Variants in ERN1 observed in about 807,000 individuals in gnomAD.
ERN1 encodes serine/threonine-protein kinase/endoribonuclease IRE1.
ERN1 carries 39 observed loss-of-function variants against 113.1 expected under a neutral mutation model. That is an observed-to-expected ratio of 0.34 (90% CI 0.27 to 0.45). The LOEUF is 0.45. Among genes scored for constraint, ERN1 ranks in the 20% least tolerant of loss-of-function variants. ERN1 has a pLI of 1.00. For missense variants in ERN1, 976 were observed against 1,274.8 expected (o/e 0.77, Z 3.57); for synonymous variants, 507 against 515.9 (o/e 0.98, Z 0.23).
At chr17:64,047,310 C>A (rs1912542789) in intron 19 of ERN1, among the ~76,000 whole-genome samples, 1 of 152,138 alleles carries the variant, frequency 6.6e-6, no homozygotes, top group Non-Finnish European at 1.5e-5. Flanking sequence ...TGCAGTGAGC[C>A]AAGATTGCAC....
Position 64,054,310 on chromosome 17 carries a change from C to G in ERN1, c.1893G>C (p.Thr631=), listed in dbSNP as rs775864806. Residue 631 remains threonine, a synonymous_variant, in exon 15 of 22, where the codon ACG becomes ACC. Transcript: ENST00000433197. The surrounding 1 kb of genome is among the most constrained non-coding windows in gnomAD (Gnocchi z 4.9). ...TGTACTGGAATTGCCGGTCCTTCTC[C>G]GTGCAGAAGTAGCGGATCACGTTCG... ...EHPNVIRYFC[T]EKDRQFQYIA... 2 of 1,613,758 alleles carry G rather than the reference C, an allele frequency of 1.2e-6. No individual in the cohort carries two copies. Among genetic ancestry groups the G allele is most frequent in the Non-Finnish European group, 1.7e-6 (2 of 1,179,870 alleles).
At chr17:64,091,484 G>C (rs546185527) in intron 2 of ERN1, among the ~76,000 whole-genome samples, 1 of 152,286 alleles carries the variant, frequency 6.6e-6, no homozygotes, top group East Asian at 1.9e-4. Context: ...AATCCACTAG[G>C]AAGCAAATGA....
At chr17:64,059,184 G>GT (rs773141919) in intron 11 of ERN1, among the ~76,000 whole-genome samples, 1 of 152,186 alleles carries the variant, frequency 6.6e-6, no homozygotes, top group Non-Finnish European at 1.5e-5. Context: ...TAAGATTGCT[G>GT]TTTTAGGAAT....
chr17:64,103,213 C>T (rs560872934), intron 1 of ERN1, among the ~76,000 whole-genome samples: 27 of 152,182 alleles, frequency 1.8e-4, no homozygotes, highest in South Asian at 1.2e-3. Flanking sequence ...AGCAATGTTA[C>T]GGCTGGACGT....
intron 8 of ERN1, 94 bp downstream of exon 8, chr17:64,066,577 G>T: frequency 6.8e-7 from 1 of 1,470,396 alleles, no homozygotes; most frequent in Non-Finnish European, 9.3e-7. Context: ...AGACTGCCCT[G>T]TCTTTGGCCT....
At chr17:64,048,666 A>G (rs1440459601) in intron 18 of ERN1, among the ~76,000 whole-genome samples, 1 of 152,122 alleles carries the variant, frequency 6.6e-6, no homozygotes, top group Non-Finnish European at 1.5e-5. Flanking sequence ...AGCCCAGCAC[A>G]GACTGCACCT....
Position 64,098,106 on chromosome 17 carries a change from C to G in ERN1, c.175+15G>C. On this transcript the variant is annotated intron_variant, in intron 2 of 21. Coordinates refer to ENST00000433197, the MANE Select transcript of ERN1 (RefSeq NM_001433.5). ...AGCAAATGTCCATGTCGCCCAAGGA[C>G]CAAATCCAAATTACCTTCTTTTAAA... is the stretch of plus-strand genomic sequence containing the variant. 2 of 1,613,834 alleles carry G rather than the reference C, an allele frequency of 1.2e-6. No individual in the cohort carries two copies. Among genetic ancestry groups the G allele is most frequent in the Non-Finnish European group, 1.7e-6 (2 of 1,179,764 alleles).
rs553340099 is a variant in ERN1, at chr17:64,118,829, A to G, written c.54+11147T>C. 5.3e-5 allele frequency among the ~76,000 whole-genome samples: 8 copies of G among 152,322 alleles called. No individual in the cohort carries two copies. In the South Asian group the frequency reaches 1.7e-3, roughly 32 times the overall value. On this transcript the variant is annotated intron_variant, in intron 1 of 21. Coordinates refer to ENST00000433197, the MANE Select transcript of ERN1 (RefSeq NM_001433.5). ...TCTGCCTGACTCAGGCAATGAGGCT[A>G]ATAGCCAGCTCTCACATGAAAAGGG... is the stretch of plus-strand genomic sequence containing the variant.
At position 64,106,758 on chromosome 17, in the gene ERN1, ACACAC is replaced by A. The variant is rs1436980375; in HGVS notation, c.55-8522_55-8518del. 3.3e-4 allele frequency among the ~76,000 whole-genome samples: 47 copies of A among 141,662 alleles called. 1 individual carries two copies. Among genetic ancestry groups the A allele is most frequent in the African/African-American group, 1.1e-3 (35 of 33,240 alleles). 92.9% of individuals were successfully genotyped at this position (141,662 alleles called of 152,430 possible). Reference sequence around the variant, plus strand: ...CACACACACACACACACACACACACACACACAAGCTCGCTGTCTCTTTCTCTCATA... The same window carrying A: ...CACACACACACACACACACACACACAAAGCTCGCTGTCTCTTTCTCTCATA... On this transcript the variant is annotated intron_variant, in intron 1 of 21. Coordinates refer to ENST00000433197, the MANE Select transcript of ERN1 (RefSeq NM_001433.5).
In ERN1 at chr17:64,049,648, C is replaced by T. The variant is rs1912622367; in HGVS notation, c.2254-446G>A. On this transcript the variant is annotated intron_variant, in intron 17 of 21. Coordinates refer to ENST00000433197, the MANE Select transcript of ERN1 (RefSeq NM_001433.5). This position sits in a 1 kb window ranked among gnomAD's most constrained non-coding sequence, Gnocchi z 4.7. ...CCCAGGGCCCAGAATGGTGCCTGCA[C>T]ACAGTAGGTATCAAAATTGCTAATA... Among the ~76,000 whole-genome samples, 1 of 152,176 alleles carries T rather than the reference C, an allele frequency of 6.6e-6. No homozygotes were observed. The highest frequency in any genetic ancestry group is 1.5e-5 in the Non-Finnish European group (1 of 68,026).
At position 64,068,272 on chromosome 17, in the gene ERN1, G is replaced by A. The variant is rs759624929; in HGVS notation, c.498C>T (p.Tyr166=). 2.1e-5 allele frequency: 34 copies of A among 1,611,884 alleles called. No individual in the cohort carries two copies. Among genetic ancestry groups the A allele is most frequent in the Middle Eastern group, 1.7e-4 (1 of 6,024 alleles). Residue 166 remains tyrosine (Y), a synonymous_variant, in exon 7 of 22, where the codon TAC becomes TAT. Coordinates refer to ENST00000433197, the MANE Select transcript of ERN1 (RefSeq NM_001433.5). ...LGRTEYTITM[Y]DTKTRELRWN... ...ACCGGAGCTCTCGGGTTTTGGTGTC[G>A]TACATGGTGATGGTGTATTCTAAAG...
chr17:64,044,267 C>T lies in ERN1; in HGVS notation c.2722-67G>A. 1 of 1,150,590 alleles carries T rather than the reference C, an allele frequency of 8.7e-7. No individual in the cohort carries two copies. The highest frequency in any genetic ancestry group is 1.6e-5 in the African/African-American group (1 of 64,138). The allele number at this position is 1,150,590 out of a possible 1,614,324, so 71.3% of individuals were successfully genotyped here. A position where few individuals can be genotyped will look rare whatever the true frequency, so the allele number is the denominator to read the frequency against. On this transcript the variant is annotated intron_variant, in intron 21 of 21. Transcript: ENST00000433197. The surrounding 1 kb of genome is among the most constrained non-coding windows in gnomAD (Gnocchi z 4.1). ...GAAAGCTCGGGAAATGTTGGCAAAA[C>T]ACCCTTTCATCATGCAAGGAAGAGA...
At chr17:64,109,306 T>C (rs1914612586) in intron 1 of ERN1, among the ~76,000 whole-genome samples, 2 of 152,124 alleles carry the variant, frequency 1.3e-5, no homozygotes, top group South Asian at 2.1e-4. Flanking sequence ...GAGAGTCAAG[T>C]AGAAAGTGGA....
At chr17:64,114,209 C>G (rs1914746932) in intron 1 of ERN1, among the ~76,000 whole-genome samples, 2 of 152,034 alleles carry the variant, frequency 1.3e-5, no homozygotes, top group Admixed American at 1.3e-4. Flanking sequence ...ACACTAGGAT[C>G]TAATCACAAC....
rs774420206 is a variant in ERN1 at position 64,055,829 on chromosome 17, C to T, written c.1518G>A (p.Gln506=). 6.4e-7 allele frequency: 1 copy of T among 1,559,478 alleles called. No homozygotes were observed. Among genetic ancestry groups the T allele is most frequent in the Non-Finnish European group, 8.7e-7 (1 of 1,151,714 alleles). The part of the protein sequence containing the change: ...LPFHPPGDTA[Q]DGELLDTSGP... ...CAGACGTGTCCAGGAGCTCGCCGTC[C>T]TGAGCCGTGTCTCCAGGTGGGTGGA... Residue 506 remains glutamine, a synonymous_variant, in exon 13 of 22, where the codon CAG becomes CAA. Coordinates refer to ENST00000433197, the MANE Select transcript of ERN1 (RefSeq NM_001433.5).
rs1912807178 is a variant in ERN1 at position 64,054,884 on chromosome 17, T to C, written c.1673-56A>G. 11 of 1,340,360 alleles carry C rather than the reference T, an allele frequency of 8.2e-6. No individual in the cohort carries two copies. The highest frequency in any genetic ancestry group is 1.1e-5 in the Non-Finnish European group (11 of 959,162). 83.0% of individuals were successfully genotyped at this position (1,340,360 alleles called of 1,614,324 possible). A position where few individuals can be genotyped will look rare whatever the true frequency, so the allele number is the denominator to read the frequency against. On this transcript the variant is annotated intron_variant, in intron 13 of 21. Coordinates refer to ENST00000433197, the MANE Select transcript of ERN1 (RefSeq NM_001433.5). The surrounding 1 kb of genome is among the most constrained non-coding windows in gnomAD (Gnocchi z 4.9). ...CAAACAGATATCACCTAAAGAACCTTGAGGTTAACATAGTGACAAGCTTCC... is the reference window on the plus strand; with the variant it reads ...CAAACAGATATCACCTAAAGAACCTCGAGGTTAACATAGTGACAAGCTTCC...
At chr17:64,080,418 T>C in intron 3 of ERN1, 1 of 209,398 alleles carries the variant, frequency 4.8e-6, no homozygotes, top group South Asian at 7.8e-5. Flanking sequence ...ATCCAGCTTT[T>C]ACCCCAACAC....
chr17:64,059,398 C>T, intron 11 of ERN1, among the ~76,000 whole-genome samples: 1 of 152,174 alleles, frequency 6.6e-6, no homozygotes, highest in Middle Eastern at 3.2e-3. Context: ...GCATCTCTGT[C>T]CCTGGGCCCT....
chr17:64,112,574 T>C (rs989808583), intron 1 of ERN1, among the ~76,000 whole-genome samples: 6 of 152,164 alleles, frequency 3.9e-5, no homozygotes, highest in African/African-American at 1.4e-4. Context: ...AAAAGGTAGA[T>C]TGTGGAGCCA....
Sources: gnomAD v4.1 joint callset for allele counts (sites outside exome capture counted in the v4.1 genomes callset) on GRCh38, gnomAD v4.1.1 for gene constraint, Gnocchi (gnomAD v3.1) non-coding constraint, MANE v1.5 for transcripts, NCBI Gene and HGNC (gene_info 2026-07-23, HGNC 2026-07-21) for gene names.